The following GALNT1 variants were observed in gnomAD, a reference collection of about 807,000 sequenced individuals.
GALNT1 encodes GalNAc transferase 1.
GALNT1 carries 17 observed loss-of-function variants against 65.7 expected under a neutral mutation model. The ratio of observed to expected loss-of-function variants is 0.26; its 90% confidence interval spans 0.18 to 0.39. The LOEUF is 0.39. Among genes scored for constraint, GALNT1 ranks in the 10% least tolerant of loss-of-function variants. The pLI is 1.00. For missense variants in GALNT1, 460 were observed against 672.8 expected (o/e 0.68, Z 3.50); for synonymous variants, 210 against 219.7 (o/e 0.96, Z 0.39).
intron 1 of GALNT1, among the ~76,000 whole-genome samples, chr18:35,644,770 C>T (rs1290604926): frequency 1.3e-5 from 2 of 152,086 alleles, no homozygotes; most frequent in East Asian, 3.9e-4. Flanking sequence ...GCGGGCGTAT[C>T]ACTTCAGGTG....
chr18:35,584,244 A>T (rs1598777237), intron 1 of GALNT1, among the ~76,000 whole-genome samples: 1 of 152,004 alleles, frequency 6.6e-6, no homozygotes. Flanking sequence ...GCTTTTACTT[A>T]TTTATTTATG....
At chr18:35,656,135 A>G (rs1477273743) in intron 2 of GALNT1, among the ~76,000 whole-genome samples, 2 of 152,180 alleles carry the variant, frequency 1.3e-5, no homozygotes, top group African/African-American at 4.8e-5. Context: ...TCTTTTCCCA[A>G]ATAGAATGGA....
At chr18:35,702,778 G>A in intron 9 of GALNT1, 119 bp from the exon 10 acceptor site, 1 of 561,206 alleles carries the variant, frequency 1.8e-6, no homozygotes, top group East Asian at 2.9e-5. Flanking sequence ...AGGCCAATAG[G>A]CCATTTCAGA....
chr18:35,612,220 A>G (rs2144048069), intron 1 of GALNT1, among the ~76,000 whole-genome samples: 1 of 152,332 alleles, frequency 6.6e-6, no homozygotes, highest in East Asian at 1.9e-4. Context: ...ATAACTTCAC[A>G]CATGATTCTT....
chr18:35,676,409 CT>C (rs1232351498), intron 3 of GALNT1, among the ~76,000 whole-genome samples: 1 of 152,202 alleles, frequency 6.6e-6, no homozygotes, highest in African/African-American at 2.4e-5. Flanking sequence ...CCTACGATGA[CT>C]TCTTTCAACC....
intron 11 of GALNT1, among the ~76,000 whole-genome samples, chr18:35,704,043 A>G (rs1389855351): frequency 6.6e-6 from 1 of 152,226 alleles, no homozygotes; most frequent in African/African-American, 2.4e-5. Context: ...CCAGTGACAT[A>G]TATGACAGAA....
At chr18:35,670,836 G>A (rs998152026) in intron 3 of GALNT1, among the ~76,000 whole-genome samples, 5 of 152,184 alleles carry the variant, frequency 3.3e-5, no homozygotes, top group Non-Finnish European at 7.3e-5. Context: ...TTAGGACAAC[G>A]GTGGCACTAT....
intron 1 of GALNT1, among the ~76,000 whole-genome samples, chr18:35,633,316 T>C (rs969520222): frequency 5.3e-5 from 8 of 152,244 alleles, no homozygotes; most frequent in African/African-American, 1.9e-4. Context: ...AATGATAGAC[T>C]GGATTAAGAA....
chr18:35,587,679 A>G (rs537126380), intron 1 of GALNT1, among the ~76,000 whole-genome samples: 2 of 152,204 alleles, frequency 1.3e-5, no homozygotes, highest in South Asian at 2.1e-4. Context: ...CCAGCCTTAC[A>G]TCCATGGCAT....
At chr18:35,627,576 T>C (rs1013567365) in intron 1 of GALNT1, 1 of 152,130 alleles carries the variant, frequency 6.6e-6, no homozygotes, top group Non-Finnish European at 1.5e-5. Flanking sequence ...GTTTTAAAAA[T>C]TATGTTGATT....
At chr18:35,609,781 G>T (rs1225525919) in intron 1 of GALNT1, among the ~76,000 whole-genome samples, 2 of 152,138 alleles carry the variant, frequency 1.3e-5, no homozygotes, top group Non-Finnish European at 2.9e-5. Flanking sequence ...TCTTTGCTTA[G>T]TATTAATACC....
intron 11 of GALNT1, among the ~76,000 whole-genome samples, chr18:35,706,057 G>C (rs1300151148): frequency 6.6e-6 from 1 of 152,200 alleles, no homozygotes; most frequent in Non-Finnish European, 1.5e-5. Flanking sequence ...AGGAAGCTGG[G>C]AAAGCAAGTC....
In GALNT1 at chr18:35,629,097, T is replaced by A. The variant is rs527410009; in HGVS notation, c.-103-25463T>A. On this transcript the variant is annotated intron_variant, in intron 1 of 11. Coordinates refer to ENST00000269195, the MANE Select transcript of GALNT1 (RefSeq NM_020474.4). Reference sequence around the variant, plus strand: ...AGACCAAATCTACATCTGATTGGTGTACCTGAAAGTGATGGGGAGAATGGA... The same window carrying A: ...AGACCAAATCTACATCTGATTGGTGAACCTGAAAGTGATGGGGAGAATGGA... Among the ~76,000 whole-genome samples, 5 of 152,328 alleles carry A rather than the reference T, an allele frequency of 3.3e-5. No individual in the cohort carries two copies. The East Asian group carries it at 9.7e-4, about 29-fold the overall frequency.
At chr18:35,600,796 C>T (rs1006307032) in intron 1 of GALNT1, among the ~76,000 whole-genome samples, 2 of 152,000 alleles carry the variant, frequency 1.3e-5, no homozygotes, top group African/African-American at 2.4e-5. Context: ...CTCACTTGAT[C>T]GTGGTGAATG....
intron 10 of GALNT1, among the ~76,000 whole-genome samples, chr18:35,703,228 GC>G (rs2048195679): frequency 6.6e-6 from 1 of 151,492 alleles, no homozygotes; most frequent in African/African-American, 2.4e-5. Flanking sequence ...AATTTATTTT[GC>G]CCTTTTTATT....
At position 35,707,732 on chromosome 18, in the gene GALNT1, T is replaced by G. The variant is rs930678804; in HGVS notation, c.1534-1892T>G. ...ATTTTTTGTTGTGCCTAGTTGGGGG[T>G]TTTTTGTTTTTAGTAATAGTGACCA... On this transcript the variant is annotated intron_variant, in intron 11 of 11. Transcript: ENST00000269195. 2.6e-5 allele frequency among the ~76,000 whole-genome samples: 4 copies of G among 151,816 alleles called. No homozygotes were observed. In the East Asian group the frequency reaches 5.8e-4, roughly 22 times the overall value.
At chr18:35,670,311 A>G (rs931097275) in intron 3 of GALNT1, among the ~76,000 whole-genome samples, 2 of 152,186 alleles carry the variant, frequency 1.3e-5, no homozygotes, top group Non-Finnish European at 2.9e-5. Context: ...AAGAAAAAAA[A>G]TATTCAGTAA....
At chr18:35,663,001 A>G (rs1297817317) in intron 2 of GALNT1, among the ~76,000 whole-genome samples, 1 of 152,230 alleles carries the variant, frequency 6.6e-6, no homozygotes, top group Admixed American at 6.5e-5. Context: ...GAGACATAAG[A>G]ACCCTGAATG....
intron 3 of GALNT1, among the ~76,000 whole-genome samples, chr18:35,665,523 T>C (rs1180346297): frequency 6.6e-6 from 1 of 152,102 alleles, no homozygotes; most frequent in African/African-American, 2.4e-5. Context: ...TTTGGGACAA[T>C]AGATGAAAAT....
Sources: gnomAD v4.1 joint callset for allele counts (sites outside exome capture counted in the v4.1 genomes callset) on GRCh38, gnomAD v4.1.1 for gene constraint, MANE v1.5 for transcripts, NCBI Gene and HGNC (gene_info 2026-07-23, HGNC 2026-07-21) for gene names.